The following HERC1 variants were observed in gnomAD, a reference collection of about 807,000 sequenced individuals.
HERC1 encodes HECT and RLD domain containing E3 ubiquitin protein ligase family member 1, also known as probable E3 ubiquitin-protein ligase HERC1.
HERC1 carries 160 observed loss-of-function variants against 554.3 expected under a neutral mutation model. The observed-to-expected ratio is 0.29, with a 90% CI of 0.25 to 0.33. The LOEUF (loss-of-function observed/expected upper bound fraction) is 0.33. Ranked by LOEUF, HERC1 falls within the 10% of genes least tolerant of loss-of-function variation. The pLI is 1.00. For synonymous variants in HERC1, 2,175 were observed against 2,131.7 expected, an observed-to-expected ratio of 1.02 and a Z score of -0.56; for missense variants, 4,919 against 5,918.5, an observed-to-expected ratio of 0.83 and a Z score of 5.54.
At position 63,758,150 on chromosome 15, in the gene HERC1, T is replaced by C; in HGVS notation, c.1221+25A>G. On this transcript the variant is annotated intron_variant, in intron 4 of 77. Transcript: ENST00000443617. The surrounding 1 kb of genome is among the most constrained non-coding windows in gnomAD (Gnocchi z 4.0). ...GAATATACACCAGATTATCTACCAG[T>C]TTGTAAGCTATTTAGAAAACTTACG... The C allele has an allele frequency of 6.5e-7, 1 of 1,546,910 alleles. No individual in the cohort carries two copies. The highest frequency in any genetic ancestry group is 8.9e-7 in the Non-Finnish European group (1 of 1,125,436).
At chr15:63,771,696 G>A (rs577409173) in intron 2 of HERC1, among the ~76,000 whole-genome samples, 3 of 152,106 alleles carry the variant, frequency 2.0e-5, no homozygotes, top group Middle Eastern at 6.8e-3. Flanking sequence ...GCCTCCCAAA[G>A]TGCTGGGATT....
chr15:63,690,275 G>A (rs1244611786), intron 32 of HERC1, among the ~76,000 whole-genome samples: 1 of 151,730 alleles, frequency 6.6e-6, no homozygotes, highest in African/African-American at 2.4e-5. Flanking sequence ...TTCCTATAGC[G>A]GTCCAAACCT....
intron 55 of HERC1, among the ~76,000 whole-genome samples, chr15:63,647,209 G>A (rs113603860): frequency 1.8e-4 from 28 of 151,752 alleles, no homozygotes; most frequent in African/African-American, 6.3e-4. Context: ...AGCCAAGATC[G>A]CGCCACTGCA....
chr15:63,644,508 TTC>T (rs1555408690), intron 57 of HERC1, among the ~76,000 whole-genome samples: 8 of 152,208 alleles, frequency 5.3e-5, no homozygotes, highest in Admixed American at 1.3e-4. Context: ...TGTTTTTTTT[TTC>T]TGTTTTTGCT....
chr15:63,712,766 T>A lies in HERC1; in HGVS notation c.4584+9A>T, dbSNP rs548959904. On this transcript the variant is annotated intron_variant, in intron 24 of 77. Coordinates refer to ENST00000443617, the MANE Select transcript of HERC1 (RefSeq NM_003922.4). ...AAAATCTTTCTTTACTGAATCTGGG[T>A]ATACCTACCAGTGCGTAACCCTCTT... 6.2e-7 allele frequency: 1 copy of A among 1,612,578 alleles called. No individual in the cohort carries two copies. The highest frequency in any genetic ancestry group is 1.3e-5 in the African/African-American group (1 of 75,004).
At chr15:63,720,449 A>G (rs2073771442) in intron 19 of HERC1, among the ~76,000 whole-genome samples, 3 of 152,034 alleles carry the variant, frequency 2.0e-5, no homozygotes, top group Admixed American at 6.6e-5. Context: ...ACAAAACAAA[A>G]CCAACAAAAA....
rs1006332402 is a variant in HERC1 at position 63,608,946 on chromosome 15, C to G, written c.*135G>C. ...AATTTCTTTGTTACATTTAGAGTAACTAAATGTGGCCATTGTTTATAATGT... is the reference window on the plus strand; with the variant it reads ...AATTTCTTTGTTACATTTAGAGTAAGTAAATGTGGCCATTGTTTATAATGT... On this transcript the variant is annotated 3_prime_UTR_variant, in exon 78 of 78. Coordinates refer to ENST00000443617, the MANE Select transcript of HERC1 (RefSeq NM_003922.4). The G allele has an allele frequency of 7.3e-6, 5 of 682,566 alleles. No individual in the cohort carries two copies. The highest frequency in any genetic ancestry group is 3.7e-5 in the African/African-American group (2 of 54,020). 42.3% of individuals were successfully genotyped at this position (682,566 alleles called of 1,614,324 possible). A position where few individuals can be genotyped will look rare whatever the true frequency, so the allele number is the denominator to read the frequency against.
chr15:63,684,424 G>C (rs74021318), intron 34 of HERC1, among the ~76,000 whole-genome samples: 1,626 of 152,242 alleles, frequency 0.011, 26 homozygotes, highest in African/African-American at 0.037. Context: ...CTGAAATTTT[G>C]TCCTGGCCAA....
rs1160124937 is a variant in HERC1, at chr15:63,677,275, CTAAATGCTTT to C, written c.7070+560_7070+569del. Among the ~76,000 whole-genome samples the C allele has an allele frequency of 6.6e-6, 1 of 152,156 alleles. No individual in the cohort carries two copies. The highest frequency in any genetic ancestry group is 1.5e-5 in the Non-Finnish European group (1 of 68,030). On this transcript the variant is annotated intron_variant, in intron 37 of 77. Transcript: ENST00000443617. The surrounding 1 kb of genome is among the most constrained non-coding windows in gnomAD (Gnocchi z 4.4). ...AAATCCTCTCTGAATTCAAACACAC[CTAAATGCTTT>C]TAAATACCCAGTTTGTGTTAAATAA...
chr15:63,733,544 C>G (rs2074381172), intron 13 of HERC1, among the ~76,000 whole-genome samples: 1 of 152,106 alleles, frequency 6.6e-6, no homozygotes, highest in African/African-American at 2.4e-5. Context: ...TAAACTAATG[C>G]AAAATACTCA....
At chr15:63,645,254 C>T (rs886189395) in intron 56 of HERC1, among the ~76,000 whole-genome samples, 157 bp from the exon 57 acceptor site, 1 of 152,060 alleles carries the variant, frequency 6.6e-6, no homozygotes, top group African/African-American at 2.4e-5. Context: ...ACAACCGAGG[C>T]CAATATTCTA....
intron 67 of HERC1, among the ~76,000 whole-genome samples, chr15:63,633,420 C>A (rs1288519955): frequency 6.6e-6 from 1 of 152,178 alleles, no homozygotes; most frequent in Non-Finnish European, 1.5e-5. Context: ...TTCATGGACT[C>A]AGATTTCCTT....
intron 74 of HERC1, among the ~76,000 whole-genome samples, chr15:63,622,171 T>C (rs1222264209): frequency 2.6e-5 from 4 of 152,200 alleles, no homozygotes; most frequent in African/African-American, 9.6e-5. Flanking sequence ...CACTTTTAAA[T>C]AAATTTTGGT....
rs767001445 is a variant in HERC1, at chr15:63,750,000, C to G, written c.1903-209G>C. ...CTGTATAGGCAGAAAAACAGCTGATCTGAAAATAAAAATAACTGGTCATAG... is the reference window on the plus strand; with the variant it reads ...CTGTATAGGCAGAAAAACAGCTGATGTGAAAATAAAAATAACTGGTCATAG... On this transcript the variant is annotated intron_variant, in intron 8 of 77. Coordinates refer to ENST00000443617, the MANE Select transcript of HERC1 (RefSeq NM_003922.4). The surrounding 1 kb of genome is among the most constrained non-coding windows in gnomAD (Gnocchi z 4.1). 1.7e-4 allele frequency among the ~76,000 whole-genome samples: 26 copies of G among 152,188 alleles called. No homozygotes were observed. Among genetic ancestry groups the G allele is most frequent in the Admixed American group, 5.9e-4 (9 of 15,290 alleles).
chr15:63,623,101 CAAAAGGAATGAGAAAGTCAAT>C (rs1297467443), intron 73 of HERC1, among the ~76,000 whole-genome samples: 1 of 152,066 alleles, frequency 6.6e-6, no homozygotes, highest in Non-Finnish European at 1.5e-5. Flanking sequence ...TATGAAGAAC[CAAAAGGAATGAGAAAGTCAAT>C]CCAGGGCAGG....
At chr15:63,662,531 C>T (rs1022612951) in intron 44 of HERC1, among the ~76,000 whole-genome samples, 1 of 152,114 alleles carries the variant, frequency 6.6e-6, no homozygotes, top group Non-Finnish European at 1.5e-5. Context: ...TACCTTGCCC[C>T]TAAATGGAGG....
At chr15:63,796,470 AC>A (rs2076816415) in intron 1 of HERC1, among the ~76,000 whole-genome samples, 2 of 152,198 alleles carry the variant, frequency 1.3e-5, no homozygotes, top group South Asian at 4.1e-4. Context: ...TTCGCTTCTA[AC>A]CTCCATCATC....
intron 12 of HERC1, among the ~76,000 whole-genome samples, chr15:63,739,072 G>C (rs79374032): frequency 0.28 from 42,287 of 150,682 alleles, 6,552 homozygotes; most frequent in Middle Eastern, 0.39. Context: ...TCTATTCAGA[G>C]TTGTGCAACC....
At chr15:63,829,670 T>C (rs189889553) in intron 1 of HERC1, among the ~76,000 whole-genome samples, 5 of 149,480 alleles carry the variant, frequency 3.3e-5, no homozygotes, top group African/African-American at 7.4e-5. Context: ...ATACCGAGTA[T>C]ACAGATTTTG....
Sources: allele counts gnomAD v4.1 joint callset (sites outside exome capture counted in the v4.1 genomes callset), GRCh38; gene constraint gnomAD v4.1.1; non-coding constraint Gnocchi (gnomAD v3.1); transcripts MANE v1.5; gene names NCBI Gene and HGNC (gene_info 2026-07-23, HGNC 2026-07-21).